The following TPST1 variants were observed in gnomAD, a reference collection of about 807,000 sequenced individuals.
TPST1 encodes the protein tyrosylprotein sulfotransferase 1, also known as protein-tyrosine sulfotransferase 1.
A neutral mutation model predicts 34.8 loss-of-function variants in TPST1; 20 were observed. That is an observed-to-expected ratio of 0.57 (90% CI 0.40 to 0.84). The LOEUF (loss-of-function observed/expected upper bound fraction) is 0.84. Ranked by LOEUF, TPST1 falls within the 40% of genes least tolerant of loss-of-function variation. The probability of loss-of-function intolerance (pLI) is 0.00; values close to 1 mark genes in which losing one functional copy is unlikely to be tolerated. For synonymous variants in TPST1, 152 were observed against 159.4 expected, an observed-to-expected ratio of 0.95 and a Z score of 0.35; for missense variants, 353 against 455.5, an observed-to-expected ratio of 0.78 and a Z score of 2.05.
chr7:66,273,248 A>G (rs1461024740), intron 2 of TPST1, among the ~76,000 whole-genome samples: 4 of 152,212 alleles, frequency 2.6e-5, no homozygotes, highest in African/African-American at 9.7e-5. Context: ...AGACTTGTAC[A>G]CTAAGAACTA....
intron 3 of TPST1, among the ~76,000 whole-genome samples, chr7:66,328,906 A>ATATATATATT (rs1299138303): frequency 1.2e-3 from 16 of 13,156 alleles, no homozygotes; most frequent in Admixed American, 3.5e-3. Flanking sequence ...ATATATATAT[A>ATATATATATT]TTTTTTTTTT....
the TPST1 span, among the ~76,000 whole-genome samples, chr7:66,199,289 T>G: frequency 8.3e-6 from 1 of 120,856 alleles, no homozygotes; most frequent in Non-Finnish European, 1.7e-5. Context: ...CACATTCATC[T>G]CCTTCTTTTT....
intron 1 of TPST1, among the ~76,000 whole-genome samples, chr7:66,235,464 T>C (rs913092016): frequency 6.6e-6 from 1 of 152,214 alleles, no homozygotes; most frequent in Non-Finnish European, 1.5e-5. Flanking sequence ...CAAACATATA[T>C]TGAATGAATG....
chr7:66,228,579 A>G (rs1409561754), intron 1 of TPST1, among the ~76,000 whole-genome samples: 1 of 152,178 alleles, frequency 6.6e-6, no homozygotes, highest in African/African-American at 2.4e-5. Flanking sequence ...AATGAAATCA[A>G]CCATATTGGA....
rs541263060 is a variant in TPST1 at position 66,270,561 on chromosome 7, GTCT to G, written c.846-15946_846-15944del. ...TTACTCATTAAAAATAATTTGACAAGTCTTCTCTTTTAATCGACAGATTTCCAA... is the reference window on the plus strand; with the variant it reads ...TTACTCATTAAAAATAATTTGACAAGTCTCTTTTAATCGACAGATTTCCAA... On this transcript the variant is annotated intron_variant, in intron 2 of 5. Coordinates refer to ENST00000304842, the MANE Select transcript of TPST1 (RefSeq NM_003596.4). Among the ~76,000 whole-genome samples, 290 of 152,250 alleles carry G rather than the reference GTCT, an allele frequency of 1.9e-3. 1 individual carries two copies. Among genetic ancestry groups the G allele is most frequent in the Non-Finnish European group, 3.4e-3 (228 of 68,010 alleles).
chr7:66,241,378 A>C, intron 2 of TPST1, 108 bp downstream of exon 2: 1 of 1,348,646 alleles, frequency 7.4e-7, no homozygotes, highest in African/African-American at 1.5e-5. Context: ...TCCTGTGTGT[A>C]TATATAGAAA....
intron 3 of TPST1, among the ~76,000 whole-genome samples, chr7:66,297,277 T>C (rs1791221043): frequency 6.6e-6 from 1 of 152,206 alleles, no homozygotes; most frequent in South Asian, 2.1e-4. Context: ...AACTGTCTTC[T>C]GTATGTGTCC....
intron 2 of TPST1, among the ~76,000 whole-genome samples, chr7:66,260,343 G>A (rs900171377): frequency 6.6e-6 from 1 of 152,170 alleles, no homozygotes; most frequent in Admixed American, 6.5e-5. Context: ...TCTGTGTTAA[G>A]TATGTGTGGA....
chr7:66,268,486 A>G (rs369292262), intron 2 of TPST1, among the ~76,000 whole-genome samples: 2 of 152,208 alleles, frequency 1.3e-5, no homozygotes, highest in East Asian at 1.9e-4. Flanking sequence ...CAGTGGAATG[A>G]TATCTTACAG....
chr7:66,343,193 A>G (rs1372117378), intron 3 of TPST1, among the ~76,000 whole-genome samples: 2 of 152,206 alleles, frequency 1.3e-5, no homozygotes, highest in African/African-American at 4.8e-5. Flanking sequence ...TTCTATTTTA[A>G]TAAGGAGTCT....
chr7:66,242,602 A>G (rs930200519), intron 2 of TPST1, among the ~76,000 whole-genome samples: 3 of 152,162 alleles, frequency 2.0e-5, no homozygotes, highest in African/African-American at 7.2e-5. Flanking sequence ...GTTTATTATT[A>G]TTTCCAGATA....
chr7:66,212,590 GC>G (rs1429804296), intron 1 of TPST1, among the ~76,000 whole-genome samples: 1 of 151,574 alleles, frequency 6.6e-6, no homozygotes, highest in Non-Finnish European at 1.5e-5. Flanking sequence ...CTCCCAAGTA[GC>G]TGGCATTACA....
At chr7:66,301,386 C>G (rs1459238393) in intron 3 of TPST1, among the ~76,000 whole-genome samples, 1 of 152,194 alleles carries the variant, frequency 6.6e-6, no homozygotes, top group Admixed American at 6.6e-5. Context: ...CACTTTCTTA[C>G]CACTTGTGTG....
At chr7:66,325,881 G>T (rs1189519864) in intron 3 of TPST1, among the ~76,000 whole-genome samples, 1 of 152,140 alleles carries the variant, frequency 6.6e-6, no homozygotes, top group Non-Finnish European at 1.5e-5. Context: ...TGATCTGCCC[G>T]CCTTGGCCTC....
intron 3 of TPST1, among the ~76,000 whole-genome samples, chr7:66,300,335 C>G (rs186655412): frequency 2.3e-3 from 346 of 152,292 alleles, no homozygotes; most frequent in African/African-American, 7.9e-3. Flanking sequence ...CTCATTCATT[C>G]AAGTTCAATC....
At chr7:66,341,619 G>T (rs542420568) in intron 3 of TPST1, among the ~76,000 whole-genome samples, 1 of 152,164 alleles carries the variant, frequency 6.6e-6, no homozygotes, top group Admixed American at 6.5e-5. Context: ...TGACAAAAAG[G>T]CTGGCTGAGA....
At chr7:66,354,977 A>G (rs1792554936) in intron 4 of TPST1, among the ~76,000 whole-genome samples, 1 of 151,964 alleles carries the variant, frequency 6.6e-6, no homozygotes, top group Non-Finnish European at 1.5e-5. Flanking sequence ...TGGGCAGTCA[A>G]TCCTGTCTCA....
chr7:66,215,689 T>G (rs1250019439), intron 1 of TPST1, among the ~76,000 whole-genome samples: 1 of 151,676 alleles, frequency 6.6e-6, no homozygotes, highest in Non-Finnish European at 1.5e-5. Context: ...TATATATTTT[T>G]AAGAAGAATT....
chr7:66,293,170 C>T (rs763574410), intron 3 of TPST1, among the ~76,000 whole-genome samples: 8 of 151,124 alleles, frequency 5.3e-5, no homozygotes, highest in Admixed American at 2.6e-4. Flanking sequence ...CACGCCACTG[C>T]ACTCCAGCCT....
Sources: allele counts gnomAD v4.1 joint callset (sites outside exome capture counted in the v4.1 genomes callset), GRCh38; gene constraint gnomAD v4.1.1; transcripts MANE v1.5; gene names NCBI Gene and HGNC (gene_info 2026-07-23, HGNC 2026-07-21).